The following TCAIM variants were observed in gnomAD, a reference collection of about 807,000 sequenced individuals.
TCAIM encodes T cell activation inhibitor, mitochondrial.
In TCAIM, 36 loss-of-function variants were observed where a neutral mutation model predicts 58.6. The observed-to-expected ratio is 0.61, with a 90% CI of 0.47 to 0.81. The LOEUF (loss-of-function observed/expected upper bound fraction) is 0.81, where lower values mean the gene tolerates loss of function less well. Ranked by LOEUF, TCAIM falls within the 30% of genes least tolerant of loss-of-function variation. The pLI is 0.00. For synonymous variants in TCAIM, 172 were observed against 193.6 expected (o/e 0.89, Z 0.93); for missense variants, 466 against 579.6 (o/e 0.80, Z 2.01).
chr3:44,388,068 C>T (rs1457692226), intron 5 of TCAIM, among the ~76,000 whole-genome samples: 3 of 151,796 alleles, frequency 2.0e-5, no homozygotes, highest in African/African-American at 7.2e-5. Flanking sequence ...TATTTATACA[C>T]ATTTTTTCCC....
intron 5 of TCAIM, among the ~76,000 whole-genome samples, chr3:44,373,256 A>G (rs1701509022): frequency 6.6e-6 from 1 of 152,178 alleles, no homozygotes; most frequent in Non-Finnish European, 1.5e-5. Flanking sequence ...TATTATATCC[A>G]TTAATTACAT....
intron 1 of TCAIM, chr3:44,340,787 A>G (rs1700840112): frequency 6.6e-6 from 1 of 152,132 alleles, no homozygotes; most frequent in South Asian, 2.1e-4. Context: ...ATGGGACCTG[A>G]TAATTTGCAT....
chr3:44,389,781 G>A (rs1271437064), intron 5 of TCAIM, among the ~76,000 whole-genome samples: 1 of 151,484 alleles, frequency 6.6e-6, no homozygotes, highest in Non-Finnish European at 1.5e-5. Flanking sequence ...TCACCTAGAG[G>A]ATAAGCTTCC....
At chr3:44,372,008 G>A (rs898430891) in intron 5 of TCAIM, among the ~76,000 whole-genome samples, 2 of 130,430 alleles carry the variant, frequency 1.5e-5, no homozygotes, top group African/African-American at 6.1e-5. Flanking sequence ...GAGAGAAAGA[G>A]AGAAGGAAGG....
intron 1 of TCAIM, 31 bp from the exon 2 acceptor site, chr3:44,354,708 G>T: frequency 1.4e-6 from 2 of 1,478,766 alleles, no homozygotes; most frequent in East Asian, 2.3e-5. Flanking sequence ...AATTCTACTT[G>T]TTCATTTGTG....
chr3:44,402,113 AATCATTTT>A (rs1702029997), intron 10 of TCAIM, among the ~76,000 whole-genome samples: 1 of 151,976 alleles, frequency 6.6e-6, no homozygotes, highest in Admixed American at 6.6e-5. Flanking sequence ...TAAAGCAAAA[AATCATTTT>A]AGGCCGTGCA....
intron 6 of TCAIM, 39 bp from the exon 7 acceptor site, chr3:44,396,361 T>A: frequency 6.3e-7 from 1 of 1,574,874 alleles, no homozygotes. Context: ...GTCTTCAGGG[T>A]GCCACTTGTT....
intron 5 of TCAIM, among the ~76,000 whole-genome samples, chr3:44,386,701 G>A (rs918373985): frequency 3.9e-5 from 6 of 152,254 alleles, no homozygotes; most frequent in Non-Finnish European, 7.3e-5. Context: ...TGACACACCA[G>A]CCCCCTGCTA....
chr3:44,392,075 T>C (rs565164854), intron 5 of TCAIM, among the ~76,000 whole-genome samples: 2 of 152,364 alleles, frequency 1.3e-5, no homozygotes, highest in Admixed American at 1.3e-4. Context: ...GAAGTATTTT[T>C]AATTTAAAAA....
At chr3:44,390,556 G>A (rs557025299) in intron 5 of TCAIM, among the ~76,000 whole-genome samples, 4 of 152,280 alleles carry the variant, frequency 2.6e-5, no homozygotes, top group Admixed American at 6.5e-5. Context: ...CCAGGAGGTC[G>A]AGGCTGCAGT....
chr3:44,407,604 T>C lies in TCAIM; in HGVS notation c.1413T>C (p.Ile471=). The stretch of plus-strand genomic sequence containing the variant: ...ACCTACATGGGATGCACCTCTGCAT[T>C]TCACATTTTTACTCTGTTATGCAAG... ...LPYLHGMHLC[I]SHFYSVMQDG... Residue 471 remains isoleucine, a synonymous_variant, in exon 11 of 11, where the codon ATT becomes ATC. Transcript: ENST00000342649. 9.9e-6 allele frequency: 16 copies of C among 1,613,896 alleles called. No homozygotes were observed. The highest frequency in any genetic ancestry group is 1.4e-5 in the Non-Finnish European group (16 of 1,179,910).
At chr3:44,349,553 C>A (rs1229952256) in intron 1 of TCAIM, among the ~76,000 whole-genome samples, 1 of 152,024 alleles carries the variant, frequency 6.6e-6, no homozygotes, top group Admixed American at 6.6e-5. Context: ...ATACTTACCC[C>A]CCAGGGGAGG....
intron 4 of TCAIM, among the ~76,000 whole-genome samples, chr3:44,363,335 G>T (rs949958033): frequency 9.9e-5 from 15 of 151,888 alleles, no homozygotes; most frequent in East Asian, 1.9e-4. Flanking sequence ...TTTTCCTTTT[G>T]CCTTTATAAC....
At chr3:44,376,886 A>C (rs1701574297) in intron 5 of TCAIM, among the ~76,000 whole-genome samples, 1 of 152,212 alleles carries the variant, frequency 6.6e-6, no homozygotes, top group Non-Finnish European at 1.5e-5. Context: ...CAGGAGATTG[A>C]GACCATCCTG....
intron 5 of TCAIM, among the ~76,000 whole-genome samples, chr3:44,387,210 C>T (rs1211672626): frequency 2.0e-5 from 3 of 152,158 alleles, no homozygotes; most frequent in South Asian, 2.1e-4. Context: ...GCTGGACACT[C>T]GTGGGGACAA....
chr3:44,338,195 C>G (rs900863842), upstream of TCAIM: 1 of 152,564 alleles, frequency 6.6e-6, no homozygotes, highest in Non-Finnish European at 1.5e-5. Context: ...TCCTTGCAGG[C>G]CCTTGGGTCA....
intron 1 of TCAIM, among the ~76,000 whole-genome samples, chr3:44,348,848 T>C (rs1186907794): frequency 6.6e-6 from 1 of 152,120 alleles, no homozygotes; most frequent in Non-Finnish European, 1.5e-5. Context: ...AAAGCCTAAG[T>C]GCTAACTGAT....
intron 5 of TCAIM, among the ~76,000 whole-genome samples, chr3:44,379,474 G>A (rs1027064404): frequency 2.0e-5 from 3 of 152,134 alleles, no homozygotes; most frequent in Non-Finnish European, 4.4e-5. Flanking sequence ...CAACCTCAAT[G>A]CCCATCAATG....
chr3:44,401,820 G>A (rs908287573), intron 10 of TCAIM, among the ~76,000 whole-genome samples: 1 of 151,296 alleles, frequency 6.6e-6, no homozygotes, highest in Non-Finnish European at 1.5e-5. Flanking sequence ...CACTTGTGAG[G>A]TCAGGAGTTT....
Sources: allele counts gnomAD v4.1 joint callset (sites outside exome capture counted in the v4.1 genomes callset), GRCh38; gene constraint gnomAD v4.1.1; transcripts MANE v1.5; gene names NCBI Gene and HGNC (gene_info 2026-07-23, HGNC 2026-07-21).